LGSN: variants seen among roughly 807,000 people sequenced by gnomAD.
LGSN encodes lengsin, lens protein with glutamine synthetase domain.
In LGSN, 21 loss-of-function variants were observed where a neutral mutation model predicts 19.5. The ratio of observed to expected loss-of-function variants is 1.07; its 90% CI spans 0.76 to 1.55. The LOEUF is 1.55. Ranked by LOEUF, LGSN falls within the 40% of genes most tolerant of loss-of-function variation. LGSN has a pLI of 0.00. For missense variants in LGSN, 673 were observed against 608.5 expected, an observed-to-expected ratio of 1.11 and a Z score of -1.12; for synonymous variants, 257 against 215.6, an observed-to-expected ratio of 1.19 and a Z score of -1.68.
the LGSN span, among the ~76,000 whole-genome samples, chr6:63,474,887 C>CAAAAAAAA: frequency 9.0e-6 from 1 of 110,578 alleles, no homozygotes; most frequent in African/African-American, 4.1e-5. Context: ...GACTCCGTCT[C>CAAAAAAAA]AAAAAAAAAA....
At chr6:63,549,629 A>G in the LGSN span, 1 of 480,490 alleles carries the variant, frequency 2.1e-6, no homozygotes, top group African/African-American at 2.0e-5. Context: ...AATTATCCAT[A>G]CAAAAATGGA....
At chr6:63,564,235 C>T in the LGSN span, among the ~76,000 whole-genome samples, 3 of 149,834 alleles carry the variant, frequency 2.0e-5, no homozygotes, top group African/African-American at 7.4e-5. Flanking sequence ...AAGATTGCAC[C>T]ATTGCACTCC....
chr6:63,534,773 T>TTTC, the LGSN span, among the ~76,000 whole-genome samples: 6 of 52,864 alleles, frequency 1.1e-4, no homozygotes, highest in African/African-American at 4.8e-4. Flanking sequence ...CATGGTAAAA[T>TTTC]TTCTTTACTA....
chr6:63,417,317 A>C, the LGSN span, among the ~76,000 whole-genome samples: 1 of 151,888 alleles, frequency 6.6e-6, no homozygotes, highest in Non-Finnish European at 1.5e-5. Context: ...CCCCCACCCC[A>C]CAACACACCA....
At chr6:63,406,878 C>T in the LGSN span, among the ~76,000 whole-genome samples, 2 of 152,046 alleles carry the variant, frequency 1.3e-5, no homozygotes, top group South Asian at 2.1e-4. Flanking sequence ...ATACAAACTA[C>T]CATCAGAGAA....
the LGSN span, among the ~76,000 whole-genome samples, chr6:63,487,658 T>A: frequency 6.6e-6 from 1 of 152,110 alleles, no homozygotes; most frequent in East Asian, 1.9e-4. Context: ...GTGGTATAAA[T>A]CCTCAAAATC....
the LGSN span, among the ~76,000 whole-genome samples, chr6:63,362,804 T>C: frequency 1.3e-5 from 2 of 152,172 alleles, no homozygotes; most frequent in Admixed American, 6.5e-5. Context: ...AGCAGAAAAT[T>C]CTGCAAACTT....
chr6:63,351,940 G>A, the LGSN span, among the ~76,000 whole-genome samples: 1 of 152,132 alleles, frequency 6.6e-6, no homozygotes, highest in Non-Finnish European at 1.5e-5. Flanking sequence ...AAAGAAAATT[G>A]TGTCATTGCC....
the LGSN span, among the ~76,000 whole-genome samples, chr6:63,562,116 ATTTC>A: frequency 0.02 from 3,094 of 151,504 alleles, 108 homozygotes; most frequent in African/African-American, 0.07. Flanking sequence ...ATTTTAGTTT[ATTTC>A]TTTCTATTTT....
chr6:63,295,459 A>G (rs1007659603), intron 1 of LGSN, among the ~76,000 whole-genome samples: 2 of 152,168 alleles, frequency 1.3e-5, no homozygotes, highest in African/African-American at 4.8e-5. Context: ...AGGCATAAGC[A>G]TCTGAAGAAT....
the LGSN span, among the ~76,000 whole-genome samples, chr6:63,497,918 C>CTTTTTTTTTTTTTTTTTTTTTTTTTTTT: frequency 2.5e-5 from 3 of 121,906 alleles, 1 homozygote; most frequent in Admixed American, 1.8e-4. Context: ...TGTCATGTTT[C>CTTTTTTTTTTTTTTTTTTTTTTTTTTTT]TTTTTTTTTT....
chr6:63,507,467 A>G, the LGSN span, among the ~76,000 whole-genome samples: 2 of 152,060 alleles, frequency 1.3e-5, no homozygotes, highest in African/African-American at 4.8e-5. Context: ...CTAATGATAC[A>G]CCCATCCAAA....
At chr6:63,519,957 A>T in the LGSN span, among the ~76,000 whole-genome samples, 9 of 152,350 alleles carry the variant, frequency 5.9e-5, no homozygotes, top group Non-Finnish European at 1.3e-4. Context: ...TCAGTAGATA[A>T]TAATTTTTAC....
intron 1 of LGSN, among the ~76,000 whole-genome samples, chr6:63,306,963 T>C (rs1768417825): frequency 6.6e-6 from 1 of 152,176 alleles, no homozygotes; most frequent in African/African-American, 2.4e-5. Context: ...ACCACACAAC[T>C]AGGTCTCAAA....
At chr6:63,565,868 T>C in the LGSN span, among the ~76,000 whole-genome samples, 4 of 152,244 alleles carry the variant, frequency 2.6e-5, no homozygotes, top group African/African-American at 9.6e-5. Flanking sequence ...AAGTCACTTT[T>C]TAATATAGAG....
At chr6:63,474,599 ACTCCATCT>A in the LGSN span, among the ~76,000 whole-genome samples, 1 of 121,900 alleles carries the variant, frequency 8.2e-6, no homozygotes. Flanking sequence ...ACAGAGCAAG[ACTCCATCT>A]CAAAAAAAAA....
At chr6:63,547,109 A>G in the LGSN span, among the ~76,000 whole-genome samples, 4 of 151,920 alleles carry the variant, frequency 2.6e-5, no homozygotes, top group Admixed American at 1.3e-4. Flanking sequence ...GCTCTGCCCT[A>G]CTCAGATATA....
At chr6:63,475,838 TCAGAACAGTCTGCC>T in the LGSN span, among the ~76,000 whole-genome samples, 1 of 152,158 alleles carries the variant, frequency 6.6e-6, no homozygotes, top group African/African-American at 2.4e-5. Flanking sequence ...CAGGTCATGC[TCAGAACAGTCTGCC>T]CTGGAACCTA....
the LGSN span, among the ~76,000 whole-genome samples, chr6:63,367,753 A>G: frequency 2.0e-5 from 3 of 150,254 alleles, no homozygotes; most frequent in South Asian, 6.3e-4. Context: ...ATGGAATACT[A>G]TGCAGCCATA....
Sources: gnomAD v4.1 joint callset for allele counts (sites outside exome capture counted in the v4.1 genomes callset) on GRCh38, gnomAD v4.1.1 for gene constraint, MANE v1.5 for transcripts, NCBI Gene and HGNC (gene_info 2026-07-23, HGNC 2026-07-21) for gene names.